SAMTOR: variants seen among roughly 807,000 people sequenced by gnomAD.
SAMTOR encodes the protein S-adenosylmethionine sensor upstream of mTORC1, also known as UPF0532 protein C7orf60.
the SAMTOR span, among the ~76,000 whole-genome samples, chr7:112,843,000 C>A: frequency 6.6e-6 from 1 of 152,080 alleles, no homozygotes; most frequent in South Asian, 2.1e-4. Flanking sequence ...CCTGAAAATG[C>A]ATGTTCAGTT....
At chr7:112,919,206 C>T in the SAMTOR span, among the ~76,000 whole-genome samples, 1 of 152,158 alleles carries the variant, frequency 6.6e-6, no homozygotes, top group African/African-American at 2.4e-5. Flanking sequence ...AAGTAAAGCT[C>T]TCCTCAGCAA....
At chr7:112,846,323 T>A in the SAMTOR span, among the ~76,000 whole-genome samples, 3 of 143,142 alleles carry the variant, frequency 2.1e-5, no homozygotes, top group South Asian at 2.2e-4. Flanking sequence ...TGAGGACGTA[T>A]GGATATAAAG....
the SAMTOR span, among the ~76,000 whole-genome samples, chr7:112,878,731 TG>T: frequency 1.3e-5 from 2 of 152,078 alleles, no homozygotes; most frequent in Admixed American, 1.3e-4. Context: ...TACTGAGAAA[TG>T]AGGGAGGCAT....
At chr7:112,836,530 T>C in the SAMTOR span, among the ~76,000 whole-genome samples, 1 of 152,082 alleles carries the variant, frequency 6.6e-6, no homozygotes, top group African/African-American at 2.4e-5. Flanking sequence ...TTGGCATCTT[T>C]GTCATAATCT....
chr7:112,852,476 G>A, the SAMTOR span, among the ~76,000 whole-genome samples: 1 of 152,000 alleles, frequency 6.6e-6, no homozygotes, highest in Non-Finnish European at 1.5e-5. Flanking sequence ...CCAAAAGGTG[G>A]GAGGGGAGTG....
the SAMTOR span, among the ~76,000 whole-genome samples, chr7:112,907,952 T>C: frequency 1.3e-5 from 2 of 152,120 alleles, no homozygotes; most frequent in Non-Finnish European, 2.9e-5. Context: ...CACATATGCA[T>C]TTAATCTCCA....
chr7:112,916,800 C>A, the SAMTOR span, among the ~76,000 whole-genome samples: 1,626 of 152,358 alleles, frequency 0.011, 30 homozygotes, highest in African/African-American at 0.037. Context: ...TATCCCACAC[C>A]TGACTCGGAG....
At chr7:112,840,421 T>C in the SAMTOR span, among the ~76,000 whole-genome samples, 3 of 151,920 alleles carry the variant, frequency 2.0e-5, no homozygotes, top group African/African-American at 4.8e-5. Flanking sequence ...ATCACTTTTT[T>C]TCTGCCTGAA....
the SAMTOR span, among the ~76,000 whole-genome samples, chr7:112,864,865 C>T: frequency 8.5e-5 from 13 of 152,286 alleles, no homozygotes; most frequent in African/African-American, 3.1e-4. Flanking sequence ...AGTGATCCTC[C>T]CGCCTCAGTC....
the SAMTOR span, among the ~76,000 whole-genome samples, chr7:112,931,975 G>C: frequency 6.6e-6 from 1 of 151,160 alleles, no homozygotes; most frequent in African/African-American, 2.4e-5. Flanking sequence ...ACCCAGGCTG[G>C]AGTGCAGTGG....
At chr7:112,923,679 C>T in the SAMTOR span, among the ~76,000 whole-genome samples, 341 of 151,996 alleles carry the variant, frequency 2.2e-3, 4 homozygotes, top group East Asian at 0.011. Context: ...TTGACCCAGC[C>T]ATCCCATTAC....
At chr7:112,885,946 T>C in the SAMTOR span, among the ~76,000 whole-genome samples, 1 of 152,210 alleles carries the variant, frequency 6.6e-6, no homozygotes, top group African/African-American at 2.4e-5. Flanking sequence ...AGAGGTTTAA[T>C]TGACTCACAG....
chr7:112,915,023 G>C, the SAMTOR span, among the ~76,000 whole-genome samples: 16,762 of 151,974 alleles, frequency 0.11, 1,242 homozygotes, highest in Middle Eastern at 0.32. Flanking sequence ...GGCAGGTCAC[G>C]AGGTCAGGAG....
chr7:112,932,756 G>A, the SAMTOR span, among the ~76,000 whole-genome samples: 1 of 152,172 alleles, frequency 6.6e-6, no homozygotes, highest in African/African-American at 2.4e-5. Flanking sequence ...TGTGCTAGGT[G>A]CTGTACACAA....
the SAMTOR span, among the ~76,000 whole-genome samples, chr7:112,822,963 T>C: frequency 6.6e-6 from 1 of 152,118 alleles, no homozygotes; most frequent in Admixed American, 6.5e-5. Flanking sequence ...GTTAGACAAA[T>C]GACCATGGGA....
the SAMTOR span, among the ~76,000 whole-genome samples, chr7:112,858,000 C>G: frequency 1.3e-5 from 2 of 152,126 alleles, no homozygotes; most frequent in African/African-American, 4.8e-5. Context: ...GGAAGCAATG[C>G]TATGAGTATT....
At chr7:112,924,468 C>G in the SAMTOR span, among the ~76,000 whole-genome samples, 2 of 152,060 alleles carry the variant, frequency 1.3e-5, no homozygotes, top group African/African-American at 4.8e-5. Flanking sequence ...CTAATTTGAT[C>G]AAGAAAGAAG....
At chr7:112,891,341 A>C in the SAMTOR span, among the ~76,000 whole-genome samples, 7 of 152,236 alleles carry the variant, frequency 4.6e-5, no homozygotes, top group Non-Finnish European at 7.3e-5. Flanking sequence ...TTTGATTTTT[A>C]AACGTAATTG....
the SAMTOR span, among the ~76,000 whole-genome samples, chr7:112,934,327 TC>T: frequency 4.6e-5 from 7 of 152,128 alleles, no homozygotes; most frequent in African/African-American, 1.7e-4. Context: ...ATCCTAAACT[TC>T]CAAAGGATAG....
Sources: allele counts gnomAD v4.1 joint callset (sites outside exome capture counted in the v4.1 genomes callset), GRCh38; gene constraint gnomAD v4.1.1; transcripts MANE v1.5; gene names NCBI Gene and HGNC (gene_info 2026-07-23, HGNC 2026-07-21).